MCF2L2: variants seen among roughly 807,000 people sequenced by gnomAD.
The protein encoded by MCF2L2 is probable guanine nucleotide exchange factor MCF2L2.
A neutral mutation model predicts 150.2 loss-of-function variants in MCF2L2; 102 were observed. The ratio of observed to expected loss-of-function variants is 0.68; its 90% CI spans 0.58 to 0.80. The LOEUF is 0.80. MCF2L2 is among the 30% of genes least tolerant of loss of function. The probability of loss-of-function intolerance (pLI) is 0.00; values close to 1 mark genes in which losing one functional copy is unlikely to be tolerated. For missense variants in MCF2L2, 1,256 were observed against 1,372.8 expected (o/e 0.91, Z 1.34); for synonymous variants, 465 against 491.3 (o/e 0.95, Z 0.71).
intron 18 of MCF2L2, chr3:183,224,838 AG>A (rs574438442): frequency 1.2e-4 from 19 of 152,498 alleles, no homozygotes; most frequent in African/African-American, 4.6e-4. Flanking sequence ...GAGAGCAAGG[AG>A]GACTCAACGT....
At chr3:183,350,102 C>CTT (rs1241759588) in intron 3 of MCF2L2, among the ~76,000 whole-genome samples, 1 of 152,214 alleles carries the variant, frequency 6.6e-6, no homozygotes, top group Non-Finnish European at 1.5e-5. Context: ...TCCACACAGA[C>CTT]TAAGACCCAA....
chr3:183,207,805 C>G lies in MCF2L2; in HGVS notation c.2515G>C (p.Gly839Arg). 1 of 1,614,066 alleles carries G rather than the reference C, an allele frequency of 6.2e-7. No homozygotes were observed. Among genetic ancestry groups the G allele is most frequent in the East Asian group, 2.2e-5 (1 of 44,890 alleles). Residue 839 changes from glycine to arginine, a missense_variant, in exon 23 of 30, where the codon GGC becomes CGC. By Grantham distance (125) the Gly-to-Arg change is moderately radical (BLOSUM62 -2). Transcript: ENST00000328913. ...AAAGGGCCGTGCAGCAACAGCTTGC[C>G]TAGTTTTCCAATATCGTCCTTTTGG... is the stretch of plus-strand genomic sequence containing the variant. ...TECPDDIGKL[G>R]KLLLHGPFSV... is the part of the protein sequence containing the mutation.
chr3:183,191,119 G>A (rs376960818), intron 27 of MCF2L2, among the ~76,000 whole-genome samples: 9 of 151,936 alleles, frequency 5.9e-5, no homozygotes, highest in East Asian at 1.9e-4. Flanking sequence ...CAGGTGATCC[G>A]CCCACCTCGG....
At chr3:183,384,771 G>C (rs1713739749) in intron 2 of MCF2L2, among the ~76,000 whole-genome samples, 1 of 152,186 alleles carries the variant, frequency 6.6e-6, no homozygotes, top group South Asian at 2.1e-4. Flanking sequence ...CCCTGGTTCT[G>C]TCTGGGCAGC....
chr3:183,344,660 G>C (rs1222760917), intron 3 of MCF2L2, among the ~76,000 whole-genome samples: 1 of 152,148 alleles, frequency 6.6e-6, no homozygotes, highest in African/African-American at 2.4e-5. Context: ...AGACCCATTG[G>C]TGTGCTGTAT....
chr3:183,258,948 G>C (rs998557490), intron 15 of MCF2L2, among the ~76,000 whole-genome samples: 2 of 152,128 alleles, frequency 1.3e-5, no homozygotes, highest in Non-Finnish European at 2.9e-5. Context: ...TAAATGCTAT[G>C]TAAACAATTG....
rs755466082 is a variant in MCF2L2 at position 183,300,062 on chromosome 3, G to A, written c.1248C>T (p.Asn416=). 1 of 1,611,802 alleles carries A rather than the reference G, an allele frequency of 6.2e-7. No homozygotes were observed. The highest frequency in any genetic ancestry group is 1.3e-5 in the African/African-American group (1 of 74,660). The change falls in exon 11 of 30, where the codon AAC becomes AAT. Residue 416 remains asparagine, a synonymous_variant. Coordinates refer to ENST00000328913, the MANE Select transcript of MCF2L2 (RefSeq NM_015078.4). ...RHLCDDFING[N]KKKWDILGKS... is the part of the protein sequence containing the mutation. ...TTCCTAAAATGTCCCATTTTTTCTT[G>A]TTTCCATTGATGAAATCGTCACAGA...
At chr3:183,329,376 G>A (rs755861873) in intron 5 of MCF2L2, among the ~76,000 whole-genome samples, 1 of 152,004 alleles carries the variant, frequency 6.6e-6, no homozygotes, top group African/African-American at 2.4e-5. Flanking sequence ...TAGTAGAGAC[G>A]GGGTTTCACC....
chr3:183,355,041 C>CTATT (rs1480012040), intron 3 of MCF2L2, among the ~76,000 whole-genome samples: 2 of 150,590 alleles, frequency 1.3e-5, no homozygotes, highest in African/African-American at 4.9e-5. Flanking sequence ...TAAAATGCTT[C>CTATT]TATTTATTTT....
rs138931930 is a variant in MCF2L2, at chr3:183,306,798, T to C, written c.1113+2918A>G. ...CCAACAAGATGACATCCTTAGATGT[T>C]AATGGCCTGGGTTCCATGCCTTCTT... On this transcript the variant is annotated intron_variant, in intron 10 of 29. Coordinates refer to ENST00000328913, the MANE Select transcript of MCF2L2 (RefSeq NM_015078.4). 2.5e-3 allele frequency among the ~76,000 whole-genome samples: 386 copies of C among 152,310 alleles called. 3 individuals carry two copies. Among genetic ancestry groups the C allele is most frequent in the African/African-American group, 9.0e-3 (374 of 41,572 alleles).
At chr3:183,229,606 G>A in intron 17 of MCF2L2, 60 bp downstream of exon 17, 1 of 770,868 alleles carries the variant, frequency 1.3e-6, no homozygotes, top group East Asian at 2.7e-5. Context: ...AATTCCATCA[G>A]TCTCATTTCC....
intron 15 of MCF2L2, among the ~76,000 whole-genome samples, chr3:183,232,606 C>G (rs865937647): frequency 3.3e-5 from 5 of 152,014 alleles, no homozygotes; most frequent in Non-Finnish European, 5.9e-5. Context: ...TAAATGGCAG[C>G]CTCTCCTAGA....
chr3:183,427,830 A>C, intron 1 of MCF2L2, 72 bp downstream of exon 1: 1 of 1,317,710 alleles, frequency 7.6e-7, no homozygotes, highest in Non-Finnish European at 1.1e-6. Context: ...TGAGGCCAGG[A>C]GCCAGATGAA....
rs1729060759 is a variant in MCF2L2, at chr3:183,305,642, A to G, written c.1113+4074T>C. Among the ~76,000 whole-genome samples the G allele has an allele frequency of 6.6e-6, 1 of 152,198 alleles. No individual in the cohort carries two copies. Among genetic ancestry groups the G allele is most frequent in the Admixed American group, 6.5e-5 (1 of 15,278 alleles). ...AAGGCCGGCGGATCACAAGGTCAGG[A>G]GTTAGAGACCAGCCTGACCAACATG... On this transcript the variant is annotated intron_variant, in intron 10 of 29. Coordinates refer to ENST00000328913, the MANE Select transcript of MCF2L2 (RefSeq NM_015078.4). This position sits in a 1 kb window ranked among gnomAD's most constrained non-coding sequence, Gnocchi z 4.1.
chr3:183,311,604 A>C (rs773758941), intron 8 of MCF2L2, 44 bp downstream of exon 8: 1 of 1,610,698 alleles, frequency 6.2e-7, no homozygotes, highest in Non-Finnish European at 8.5e-7. Flanking sequence ...ATCTAGGTCT[A>C]CATATTCTCT....
chr3:183,337,294 C>T (rs1027291880), intron 5 of MCF2L2, among the ~76,000 whole-genome samples: 1 of 152,118 alleles, frequency 6.6e-6, no homozygotes, highest in Non-Finnish European at 1.5e-5. Context: ...CAGTGGCTCA[C>T]GCCTGTAATC....
intron 11 of MCF2L2, chr3:183,299,084 C>A (rs1289732773): frequency 6.6e-6 from 1 of 152,384 alleles, no homozygotes; most frequent in Non-Finnish European, 1.5e-5. Context: ...CCAGAAACCG[C>A]TGCTCCTGCT....
At chr3:183,374,561 G>A (rs1416143606) in intron 3 of MCF2L2, 3 of 151,900 alleles carry the variant, frequency 2.0e-5, no homozygotes, top group Non-Finnish European at 2.9e-5. Flanking sequence ...CCAGCTACTC[G>A]GGAGGTTGAG....
intron 15 of MCF2L2, among the ~76,000 whole-genome samples, chr3:183,252,361 T>C (rs1724589821): frequency 6.6e-6 from 1 of 152,198 alleles, no homozygotes. Flanking sequence ...CTGATGAACA[T>C]GCAGTGCCAC....
Sources: gnomAD v4.1 joint callset for allele counts (sites outside exome capture counted in the v4.1 genomes callset) on GRCh38, gnomAD v4.1.1 for gene constraint, Gnocchi (gnomAD v3.1) non-coding constraint, MANE v1.5 for transcripts, NCBI Gene and HGNC (gene_info 2026-07-23, HGNC 2026-07-21) for gene names.